PTPRD: variants seen among roughly 807,000 people sequenced by gnomAD.
The protein encoded by PTPRD is receptor-type tyrosine-protein phosphatase delta.
In PTPRD, 34 loss-of-function variants were observed where a neutral mutation model predicts 214.5. The observed-to-expected ratio is 0.16, with a 90% confidence interval of 0.12 to 0.21. The LOEUF is 0.21. PTPRD is among the 10% of genes least tolerant of loss of function. PTPRD has a pLI of 1.00. For missense variants in PTPRD, 2,545 were observed against 2,398.7 expected (o/e 1.06, Z -1.27); for synonymous variants, 1,128 against 845.7 (o/e 1.33, Z -5.79).
chr9:10,394,134 T>TTA (rs1220716836), intron 2 of PTPRD, among the ~76,000 whole-genome samples: 8 of 141,122 alleles, frequency 5.7e-5, no homozygotes, highest in Non-Finnish European at 1.2e-4. Context: ...ATATATATCT[T>TTA]TATATAAAGA....
At position 9,090,899 on chromosome 9, in the gene PTPRD, T is replaced by C. The variant is rs149008097; in HGVS notation, c.-142-72164A>G. The C allele has an allele frequency of 2.3e-4, 314 of 1,359,346 alleles. 1 individual carries two copies. The highest frequency in any genetic ancestry group is 2.3e-3 in the African/African-American group (159 of 70,178). The allele number at this position is 1,359,346 out of a possible 1,614,324, so 84.2% of individuals were successfully genotyped here. A position where few individuals can be genotyped will look rare whatever the true frequency, so the allele number is the denominator to read the frequency against. ...CTGTCTCCGGTCCGTGCCTCCAAGA[T>C]GACAAAGAAAAGAAGGAACAATGGT... On this transcript the variant is annotated intron_variant, in intron 10 of 45. Coordinates refer to ENST00000381196, the MANE Select transcript of PTPRD (RefSeq NM_002839.4).
Position 8,500,927 on chromosome 9 carries a change from A to G in PTPRD, c.1955T>C (p.Val652Ala). The change falls in exon 24 of 46, where the codon GTG (valine) becomes GCG (alanine). Residue 652 changes from valine (V) to alanine (A), a missense_variant. Coordinates refer to ENST00000381196, the MANE Select transcript of PTPRD (RefSeq NM_002839.4). ...ITEYSIKYTA[V>A]DGEDDKPHEI... is the part of the protein sequence containing the mutation. The stretch of plus-strand genomic sequence containing the variant: ...GTGAGGCTTGTCATCTTCCCCATCC[A>G]CTGCAGTGTACTTGATGGAGTATTC... 6.2e-7 allele frequency: 1 copy of G among 1,614,052 alleles called. No individual in the cohort carries two copies. Among genetic ancestry groups the G allele is most frequent in the Non-Finnish European group, 8.5e-7 (1 of 1,180,000 alleles).
chr9:9,879,259 C>G (rs1167967894), intron 5 of PTPRD, among the ~76,000 whole-genome samples: 1 of 152,070 alleles, frequency 6.6e-6, no homozygotes, highest in Non-Finnish European at 1.5e-5. Context: ...ACAGATAATT[C>G]TGTGTCATGA....
At chr9:8,641,973 T>C (rs72698280) in intron 12 of PTPRD, among the ~76,000 whole-genome samples, 10,545 of 152,222 alleles carry the variant, frequency 0.069, 1,103 homozygotes, top group African/African-American at 0.23. Context: ...TGCTTTTGTC[T>C]GTCCTTAACA....
At chr9:8,579,542 A>G (rs1264464537) in intron 14 of PTPRD, among the ~76,000 whole-genome samples, 3 of 152,210 alleles carry the variant, frequency 2.0e-5, no homozygotes, top group Non-Finnish European at 4.4e-5. Context: ...CTGGGCAATA[A>G]AAGTATAAAA....
intron 8 of PTPRD, among the ~76,000 whole-genome samples, chr9:9,520,619 C>T (rs2096947410): frequency 6.6e-6 from 1 of 152,150 alleles, no homozygotes; most frequent in African/African-American, 2.4e-5. Context: ...GGAATATGGT[C>T]AACAAACAGT....
intron 2 of PTPRD, among the ~76,000 whole-genome samples, chr9:10,603,252 G>T (rs1054345101): frequency 6.6e-6 from 1 of 151,820 alleles, no homozygotes; most frequent in East Asian, 1.9e-4. Flanking sequence ...AGAAGCATTT[G>T]TGCCACGCTT....
chr9:8,618,012 T>C (rs1430882865), intron 14 of PTPRD, among the ~76,000 whole-genome samples: 1 of 152,150 alleles, frequency 6.6e-6, no homozygotes, highest in Non-Finnish European at 1.5e-5. Context: ...CATTTCTTTT[T>C]ACACCCAATT....
intron 12 of PTPRD, among the ~76,000 whole-genome samples, chr9:8,729,854 G>T (rs1293433386): frequency 2.0e-5 from 3 of 152,220 alleles, no homozygotes; most frequent in African/African-American, 4.8e-5. Flanking sequence ...CAACACAGAT[G>T]TCAGTCTATG....
intron 9 of PTPRD, among the ~76,000 whole-genome samples, chr9:9,313,961 T>C (rs1289025990): frequency 6.6e-6 from 1 of 152,162 alleles, no homozygotes; most frequent in Non-Finnish European, 1.5e-5. Flanking sequence ...ATGTGCTCAG[T>C]ATATTTTAAT....
chr9:9,478,103 T>A (rs1260891425), intron 8 of PTPRD, among the ~76,000 whole-genome samples: 1 of 150,490 alleles, frequency 6.6e-6, no homozygotes, highest in Non-Finnish European at 1.5e-5. Context: ...TAATTTAGGT[T>A]TTTTTAGATT....
At chr9:8,998,013 G>A (rs2099403553) in intron 11 of PTPRD, among the ~76,000 whole-genome samples, 1 of 152,020 alleles carries the variant, frequency 6.6e-6, no homozygotes, top group South Asian at 2.1e-4. Flanking sequence ...CAGAAGAAAA[G>A]TTGGAATCTA....
chr9:9,323,725 G>A (rs1377503490), intron 9 of PTPRD, among the ~76,000 whole-genome samples: 5 of 151,964 alleles, frequency 3.3e-5, no homozygotes, highest in Admixed American at 6.6e-5. Flanking sequence ...AAGTTCTAGG[G>A]TACATGTGCA....
chr9:10,144,770 T>C (rs935798542), intron 3 of PTPRD, among the ~76,000 whole-genome samples: 1 of 152,142 alleles, frequency 6.6e-6, no homozygotes, highest in Non-Finnish European at 1.5e-5. Flanking sequence ...GCATTCCCAT[T>C]ATAAATCTCT....
At chr9:10,455,182 C>A (rs572242720) in intron 2 of PTPRD, among the ~76,000 whole-genome samples, 1 of 151,636 alleles carries the variant, frequency 6.6e-6, no homozygotes, top group Non-Finnish European at 1.5e-5. Flanking sequence ...TTTTTTCAGC[C>A]TCCTCTGGAG....
At chr9:10,608,064 C>T (rs948253898) in intron 2 of PTPRD, among the ~76,000 whole-genome samples, 2 of 151,832 alleles carry the variant, frequency 1.3e-5, no homozygotes, top group Admixed American at 6.6e-5. Flanking sequence ...CTTTAAAATG[C>T]AAGGGTTCAA....
chr9:8,618,723 G>C (rs996592113), intron 14 of PTPRD, among the ~76,000 whole-genome samples: 5 of 151,798 alleles, frequency 3.3e-5, no homozygotes, highest in Admixed American at 3.3e-4. Context: ...TTTAGACAGA[G>C]TATTGCTCTG....
chr9:10,064,074 T>C (rs1305853907), intron 3 of PTPRD, among the ~76,000 whole-genome samples: 2 of 151,998 alleles, frequency 1.3e-5, no homozygotes, highest in African/African-American at 4.8e-5. Context: ...TCCTTTGTTC[T>C]TCATTTATTT....
At chr9:9,703,090 A>T (rs2097533876) in intron 7 of PTPRD, among the ~76,000 whole-genome samples, 1 of 152,096 alleles carries the variant, frequency 6.6e-6, no homozygotes, top group African/African-American at 2.4e-5. Flanking sequence ...AGGTGATTGG[A>T]TGGTGGGGGC....
Sources: allele counts gnomAD v4.1 joint callset (sites outside exome capture counted in the v4.1 genomes callset), GRCh38; gene constraint gnomAD v4.1.1; transcripts MANE v1.5; gene names NCBI Gene and HGNC (gene_info 2026-07-23, HGNC 2026-07-21).